ZDHHC13: variants seen among roughly 807,000 people sequenced by gnomAD.
ZDHHC13 encodes the protein zDHHC palmitoyltransferase 13, also known as palmitoyltransferase ZDHHC13.
Under a neutral mutation model 86.0 loss-of-function variants are expected in ZDHHC13, and 85 were observed. The observed-to-expected ratio is 0.99, with a 90% CI of 0.83 to 1.18. The LOEUF (loss-of-function observed/expected upper bound fraction) is 1.18, where lower values mean the gene tolerates loss of function less well. Ranked by LOEUF, ZDHHC13 falls within the 50% of genes most tolerant of loss-of-function variation. ZDHHC13 has a pLI of 0.00. For synonymous variants in ZDHHC13, 263 were observed against 246.4 expected (o/e 1.07, Z -0.63); for missense variants, 711 against 730.2 (o/e 0.97, Z 0.30).
intron 3 of ZDHHC13, among the ~76,000 whole-genome samples, chr11:19,147,101 C>CGTTTTG (rs1849486872): frequency 6.6e-6 from 1 of 152,134 alleles, no homozygotes. Context: ...ACCCTAAATA[C>CGTTTTG]AGGGCAAAAC....
Position 19,150,723 on chromosome 11 carries a change from A to G in ZDHHC13, c.520-4A>G, listed in dbSNP as rs1849583775. Reference sequence around the variant, plus strand: ...GTTATGCTAATTGTCTTCTTTTTGAATAGAGTGTGAATATGACAGATGTAA... The same window carrying G: ...GTTATGCTAATTGTCTTCTTTTTGAGTAGAGTGTGAATATGACAGATGTAA... On this transcript the variant is annotated splice_polypyrimidine_tract_variant and splice_region_variant and intron_variant, in intron 5 of 16. Transcript: ENST00000446113. 6.2e-7 allele frequency: 1 copy of G among 1,601,458 alleles called. No homozygotes were observed. Among genetic ancestry groups the G allele is most frequent in the African/African-American group, 1.3e-5 (1 of 74,932 alleles).
chr11:19,146,159 G>A, intron 2 of ZDHHC13, 22 bp from the exon 3 acceptor site: 1 of 1,530,348 alleles, frequency 6.5e-7, no homozygotes, highest in Non-Finnish European at 8.8e-7. Context: ...TATCAATTAT[G>A]CTTTTTTTTT....
At chr11:19,163,458 T>C (rs539197966) in intron 11 of ZDHHC13, 31 bp downstream of exon 11, 1 of 1,556,912 alleles carries the variant, frequency 6.4e-7, no homozygotes, top group Non-Finnish European at 8.6e-7. Flanking sequence ...ATATTTTTAA[T>C]AGGAGGGTTT....
At chr11:19,166,926 AG>A (rs1257215160) in intron 14 of ZDHHC13, 1 of 152,630 alleles carries the variant, frequency 6.6e-6, no homozygotes, top group Non-Finnish European at 1.5e-5. Flanking sequence ...GAAGGAAAAA[AG>A]CTTTCAGTAG....
chr11:19,134,275 C>G (rs117286768), intron 1 of ZDHHC13, among the ~76,000 whole-genome samples: 1 of 152,058 alleles, frequency 6.6e-6, no homozygotes, highest in Non-Finnish European at 1.5e-5. Flanking sequence ...GCAAGAGGAT[C>G]GCTTGAGGCC....
At chr11:19,146,139 AT>A in intron 2 of ZDHHC13, 41 bp from the exon 3 acceptor site, 1 of 1,520,154 alleles carries the variant, frequency 6.6e-7, no homozygotes, top group Non-Finnish European at 8.8e-7. Flanking sequence ...ATTTGAAATG[AT>A]TTTAATTGTA....
At chr11:19,138,126 T>TG (rs1320793008) in intron 1 of ZDHHC13, among the ~76,000 whole-genome samples, 2 of 151,912 alleles carry the variant, frequency 1.3e-5, no homozygotes, top group Non-Finnish European at 2.9e-5. Flanking sequence ...ATACAGGAGC[T>TG]GGTTTTTTGA....
At chr11:19,147,515 C>A in intron 3 of ZDHHC13, 81 bp from the exon 4 acceptor site, 1 of 1,201,006 alleles carries the variant, frequency 8.3e-7, no homozygotes. Context: ...ATATTTATTA[C>A]TATGAAAAAA....
At chr11:19,149,400 T>C in intron 5 of ZDHHC13, 69 bp downstream of exon 5, 1 of 1,358,962 alleles carries the variant, frequency 7.4e-7, no homozygotes, top group Non-Finnish European at 9.7e-7. Context: ...TTATTAGTAG[T>C]AGTCTCTTCT....
intron 12 of ZDHHC13, 99 bp downstream of exon 12, chr11:19,164,462 C>G (rs964157802): frequency 1.1e-5 from 13 of 1,167,234 alleles, no homozygotes; most frequent in Admixed American, 2.2e-5. Flanking sequence ...TATTTATACA[C>G]CTTTGTTTTT....
At chr11:19,136,495 C>G (rs974567980) in intron 1 of ZDHHC13, among the ~76,000 whole-genome samples, 32 of 152,234 alleles carry the variant, frequency 2.1e-4, no homozygotes, top group Non-Finnish European at 3.8e-4. Context: ...TTGGAAAACA[C>G]TCTGCAGGCT....
At chr11:19,159,308 T>G (rs1054289311) in intron 10 of ZDHHC13, among the ~76,000 whole-genome samples, 1 of 152,092 alleles carries the variant, frequency 6.6e-6, no homozygotes, top group African/African-American at 2.4e-5. Flanking sequence ...ACTTGTACCA[T>G]AATTTGTTGG....
chr11:19,145,580 A>T (rs115671824), intron 2 of ZDHHC13, among the ~76,000 whole-genome samples: 46 of 152,312 alleles, frequency 3.0e-4, no homozygotes, highest in African/African-American at 1.1e-3. Context: ...TGCTTTAGCA[A>T]TGTTAAATTG....
chr11:19,163,315 C>T lies in ZDHHC13; in HGVS notation c.1121C>T (p.Ala374Val), dbSNP rs754908969. 5 of 1,585,282 alleles carry T rather than the reference C, an allele frequency of 3.2e-6. No homozygotes were observed. Among genetic ancestry groups the T allele is most frequent in the Non-Finnish European group, 4.3e-6 (5 of 1,169,116 alleles). ...ACTTGGCTTTAACATTTAGCAGGAG[C>T]CCCTTTCTATTTCAGTTTCATTTTC... ...FILFFPDLAG[A>V]PFYFSFIFSI... The change falls in exon 11 of 17, where the codon GCC becomes GTC. Residue 374 changes from alanine (A) to valine (V), a missense_variant. Coordinates refer to ENST00000446113, the MANE Select transcript of ZDHHC13 (RefSeq NM_019028.3).
intron 5 of ZDHHC13, among the ~76,000 whole-genome samples, chr11:19,150,311 T>C (rs1463928159): frequency 6.6e-6 from 1 of 152,138 alleles, no homozygotes; most frequent in Non-Finnish European, 1.5e-5. Context: ...CCTCAGAAGA[T>C]AGGGAGTTCA....
intron 9 of ZDHHC13, among the ~76,000 whole-genome samples, chr11:19,157,924 G>T (rs1849803540): frequency 6.6e-6 from 1 of 152,130 alleles, no homozygotes; most frequent in Non-Finnish European, 1.5e-5. Flanking sequence ...GTTGCTTATT[G>T]ATCTGGGCTG....
chr11:19,119,246 A>G (rs114480376), intron 1 of ZDHHC13, among the ~76,000 whole-genome samples: 6,593 of 151,956 alleles, frequency 0.043, 254 homozygotes, highest in East Asian at 0.21. Flanking sequence ...GAGTAGCTGG[A>G]ACTATAGGTG....
At chr11:19,164,147 A>G in intron 11 of ZDHHC13, 154 bp from the exon 12 acceptor site, 1 of 692,386 alleles carries the variant, frequency 1.4e-6, no homozygotes, top group Non-Finnish European at 2.3e-6. Context: ...GAAGAGTCAC[A>G]TCATTTCAAG....
At chr11:19,129,074 T>C (rs978168759) in intron 1 of ZDHHC13, among the ~76,000 whole-genome samples, 2 of 152,188 alleles carry the variant, frequency 1.3e-5, no homozygotes, top group African/African-American at 2.4e-5. Context: ...ACCCTCCCAC[T>C]GAACACACCA....
Sources: gnomAD v4.1 joint callset for allele counts (sites outside exome capture counted in the v4.1 genomes callset) on GRCh38, gnomAD v4.1.1 for gene constraint, MANE v1.5 for transcripts, NCBI Gene and HGNC (gene_info 2026-07-23, HGNC 2026-07-21) for gene names.